The following SNRNP40 variants were observed in gnomAD, a reference collection of about 807,000 sequenced individuals.
SNRNP40 encodes small nuclear ribonucleoprotein U5 subunit 40, also known as U5 small nuclear ribonucleoprotein 40 kDa protein.
A neutral mutation model predicts 45.8 loss-of-function variants in SNRNP40; 21 were observed. The ratio of observed to expected loss-of-function variants is 0.46; its 90% CI spans 0.32 to 0.66. The LOEUF (loss-of-function observed/expected upper bound fraction) is 0.66, where lower values mean the gene tolerates loss of function less well. SNRNP40 is among the 30% of genes least tolerant of loss of function. SNRNP40 has a pLI of 0.03. For missense variants in SNRNP40, 344 were observed against 439.1 expected (o/e 0.78, Z 1.94); for synonymous variants, 142 against 163.8 (o/e 0.87, Z 1.01).
intron 4 of SNRNP40, 30 bp from the exon 5 acceptor site, chr1:31,281,526 C>T: frequency 6.4e-7 from 1 of 1,574,268 alleles, no homozygotes; most frequent in East Asian, 2.3e-5. Flanking sequence ...AGTCTATCAG[C>T]AACATCATTC....
chr1:31,270,833 C>A (rs1388632252), intron 6 of SNRNP40, among the ~76,000 whole-genome samples: 1 of 152,144 alleles, frequency 6.6e-6, no homozygotes, highest in Non-Finnish European at 1.5e-5. Flanking sequence ...AGTCACCTTA[C>A]TTTTTTTCTG....
intron 8 of SNRNP40, among the ~76,000 whole-genome samples, chr1:31,265,414 A>G (rs913524481): frequency 2.6e-5 from 4 of 152,110 alleles, no homozygotes; most frequent in Non-Finnish European, 4.4e-5. Context: ...AAAGGTGTGC[A>G]CCATTGACCA....
At position 31,259,999 on chromosome 1, in the gene SNRNP40, C is replaced by A. The variant is rs1311356295; in HGVS notation, c.*73G>T. ...GAAGGGAGGGTGCTAGCCTGGACAT[C>A]CAACATTTGGCATCACTTATGCAGT... On this transcript the variant is annotated 3_prime_UTR_variant, in exon 10 of 10. Transcript: ENST00000263694. 4 of 1,111,028 alleles carry A rather than the reference C, an allele frequency of 3.6e-6. No homozygotes were observed. Among genetic ancestry groups the A allele is most frequent in the Non-Finnish European group, 5.5e-6 (4 of 721,690 alleles). 68.8% of individuals were successfully genotyped at this position (1,111,028 alleles called of 1,614,324 possible).
At chr1:31,283,220 A>G (rs1274572337) in intron 4 of SNRNP40, among the ~76,000 whole-genome samples, 1 of 152,244 alleles carries the variant, frequency 6.6e-6, no homozygotes, top group Non-Finnish European at 1.5e-5. Flanking sequence ...AACTTGTGTC[A>G]TTCACTAGCT....
chr1:31,288,480 A>G lies in SNRNP40; in HGVS notation c.531+774T>C, dbSNP rs1004067099. 2.6e-5 allele frequency among the ~76,000 whole-genome samples: 4 copies of G among 152,332 alleles called. No individual in the cohort carries two copies. In the South Asian group the frequency reaches 6.2e-4, roughly 24 times the overall value. On this transcript the variant is annotated intron_variant, in intron 4 of 9. Coordinates refer to ENST00000263694, the MANE Select transcript of SNRNP40 (RefSeq NM_004814.3). ...TGAATCACTTGAAGGACACATTAAA[A>G]TATCTGATTCCCATTGCAGATCCAC...
intron 8 of SNRNP40, chr1:31,263,171 AC>A (rs1285567226): frequency 9.2e-5 from 14 of 152,144 alleles, no homozygotes; most frequent in African/African-American, 3.1e-4. Flanking sequence ...ATAAAAAAAA[AC>A]TTCTACATTT....
chr1:31,291,992 A>T lies in SNRNP40; in HGVS notation c.286T>A (p.Tyr96Asn). 1 of 1,609,834 alleles carries T rather than the reference A, an allele frequency of 6.2e-7. No individual in the cohort carries two copies. Among genetic ancestry groups the T allele is most frequent in the Non-Finnish European group, 8.5e-7 (1 of 1,176,064 alleles). ...GTGGCATAGTTATCACAGTCACCATAGACATTCCACAGTACTGTTAGGGAG... is the reference window on the plus strand; with the variant it reads ...GTGGCATAGTTATCACAGTCACCATTGACATTCCACAGTACTGTTAGGGAG... The part of the protein sequence containing the change: ...FDRLILLWNV[Y>N]GDCDNYATLK... Residue 96 changes from tyrosine to asparagine, a missense_variant, in exon 3 of 10, where the codon TAT becomes AAT. Transcript: ENST00000263694.
At chr1:31,262,540 AAAAAG>A in intron 8 of SNRNP40, among the ~76,000 whole-genome samples, 1 of 99,740 alleles carries the variant, frequency 1.0e-5, no homozygotes, top group Admixed American at 1.1e-4. Flanking sequence ...AAAAAAAAAA[AAAAAG>A]AGGAGAAAAA....
At chr1:31,263,141 T>G (rs1188060756) in intron 8 of SNRNP40, 1 of 152,190 alleles carries the variant, frequency 6.6e-6, no homozygotes, top group Non-Finnish European at 1.5e-5. Context: ...CACAATGTAC[T>G]TTCTGCAATG....
intron 4 of SNRNP40, 43 bp downstream of exon 4, chr1:31,289,211 T>A: frequency 6.3e-7 from 1 of 1,595,340 alleles, no homozygotes; most frequent in Admixed American, 1.7e-5. Context: ...AAGGTTCACA[T>A]CACATCACCT....
At chr1:31,290,723 A>C (rs1269468278) in intron 3 of SNRNP40, among the ~76,000 whole-genome samples, 1 of 151,692 alleles carries the variant, frequency 6.6e-6, no homozygotes, top group Non-Finnish European at 1.5e-5. Context: ...TAAAAATACA[A>C]AAAAATTAGC....
rs537152727 is a variant in SNRNP40, at chr1:31,276,848, C to T, written c.654+4526G>A. On this transcript the variant is annotated intron_variant, in intron 5 of 9. Coordinates refer to ENST00000263694, the MANE Select transcript of SNRNP40 (RefSeq NM_004814.3). ...AGGAGTTCTAGAACAGTCTGGTCAACATGGTGAAACCATGTCTCTACTAAA... is the reference window on the plus strand; with the variant it reads ...AGGAGTTCTAGAACAGTCTGGTCAATATGGTGAAACCATGTCTCTACTAAA... 2.0e-5 allele frequency among the ~76,000 whole-genome samples: 3 copies of T among 152,190 alleles called. No homozygotes were observed. The East Asian group carries it at 5.8e-4, about 29-fold the overall frequency.
intron 5 of SNRNP40, among the ~76,000 whole-genome samples, chr1:31,275,478 C>T (rs1645968425): frequency 6.6e-6 from 1 of 151,990 alleles, no homozygotes; most frequent in African/African-American, 2.4e-5. Flanking sequence ...CAACCTCCAC[C>T]TCCCGGGTTC....
rs1267734587 is a variant in SNRNP40 at position 31,267,875 on chromosome 1, C to T, written c.916G>A (p.Asp306Asn). 5.6e-6 allele frequency: 9 copies of T among 1,611,634 alleles called. No homozygotes were observed. Among genetic ancestry groups the T allele is most frequent in the South Asian group, 4.4e-5 (4 of 91,012 alleles). Residue 306 changes from aspartate (D) to asparagine (N), a missense_variant, in exon 8 of 10, where the codon GAC (aspartate) becomes AAC (asparagine). Asp to Asn is a conservative substitution (Grantham distance 23, BLOSUM62 1). This residue lies in a region of SNRNP40 where 254 missense variants were observed against 380.2 expected (regional missense o/e 0.67). Coordinates refer to ENST00000263694, the MANE Select transcript of SNRNP40 (RefSeq NM_004814.3). ...TTTGCACCCACTAATCCTTACCTGT[C>T]GGCTGAGCCAGCTGCTATTTTGCTT... The part of the protein sequence containing the change: ...DGSKIAAGSA[D>N]RFVYVWDTTS...
In SNRNP40 at chr1:31,284,751, A is replaced by G. The variant is rs553410125; in HGVS notation, c.532-3255T>C. Among the ~76,000 whole-genome samples the G allele has an allele frequency of 2.6e-5, 4 of 152,344 alleles. No individual in the cohort carries two copies. The East Asian group carries it at 7.7e-4, about 29-fold the overall frequency. On this transcript the variant is annotated intron_variant, in intron 4 of 9. Coordinates refer to ENST00000263694, the MANE Select transcript of SNRNP40 (RefSeq NM_004814.3). ...GGAGAGTCTGAGTAGGATCTGTGCCAAGATGCCTCTTCCTCCCAATTCTCA... is the reference window on the plus strand; with the variant it reads ...GGAGAGTCTGAGTAGGATCTGTGCCGAGATGCCTCTTCCTCCCAATTCTCA...
At chr1:31,288,501 T>A (rs996313557) in intron 4 of SNRNP40, among the ~76,000 whole-genome samples, 2 of 152,202 alleles carry the variant, frequency 1.3e-5, no homozygotes, top group Non-Finnish European at 2.9e-5. Flanking sequence ...CCATTGCAGA[T>A]CCACTGAACC....
intron 4 of SNRNP40, among the ~76,000 whole-genome samples, chr1:31,283,432 G>GTAAAAAA (rs1646034353): frequency 6.6e-6 from 1 of 152,090 alleles, no homozygotes; most frequent in Non-Finnish European, 1.5e-5. Flanking sequence ...GTAAAACCTT[G>GTAAAAAA]TTTCTACTAA....
intron 6 of SNRNP40, 96 bp from the exon 7 acceptor site, chr1:31,269,336 G>T: frequency 1.3e-6 from 2 of 1,551,454 alleles, no homozygotes; most frequent in South Asian, 1.2e-5. Context: ...GTCAATCAAT[G>T]GCAGATGCTG....
At chr1:31,262,351 C>T (rs1239785303) in intron 8 of SNRNP40, among the ~76,000 whole-genome samples, 1 of 151,688 alleles carries the variant, frequency 6.6e-6, no homozygotes, top group Non-Finnish European at 1.5e-5. Flanking sequence ...GAAACCCAGT[C>T]TCTACTAAAA....
Sources: gnomAD v4.1 joint callset for allele counts (sites outside exome capture counted in the v4.1 genomes callset) on GRCh38, gnomAD v4.1.1 for gene constraint, gnomAD v4.1.1 regional missense constraint, MANE v1.5 for transcripts, NCBI Gene and HGNC (gene_info 2026-07-23, HGNC 2026-07-21) for gene names.